The following FREM2 variants were observed in gnomAD, a reference collection of about 807,000 sequenced individuals.
FREM2 encodes FRAS1 related extracellular matrix 2, also known as FRAS1-related extracellular matrix protein 2.
FREM2 carries 119 observed loss-of-function variants against 219.9 expected under a neutral mutation model. That is an observed-to-expected ratio of 0.54 (90% CI 0.47 to 0.63). The LOEUF (loss-of-function observed/expected upper bound fraction) is 0.63, where lower values mean the gene tolerates loss of function less well. Among genes scored for constraint, FREM2 ranks in the 30% least tolerant of loss-of-function variants. FREM2 has a pLI of 0.00. For synonymous variants in FREM2, 1,562 were observed against 1,522.8 expected, an observed-to-expected ratio of 1.03 and a Z score of -0.60; for missense variants, 4,030 against 3,993.6, an observed-to-expected ratio of 1.01 and a Z score of -0.25.
At chr13:38,693,180 A>G (rs774967296) in intron 1 of FREM2, among the ~76,000 whole-genome samples, 1 of 152,244 alleles carries the variant, frequency 6.6e-6, no homozygotes, top group Non-Finnish European at 1.5e-5. Flanking sequence ...GCATGCTACT[A>G]GGATATACAT....
chr13:38,851,583 A>G (rs2137912065), intron 10 of FREM2, 103 bp from the exon 11 acceptor site: 4 of 903,582 alleles, frequency 4.4e-6, no homozygotes, highest in Non-Finnish European at 7.2e-6. Flanking sequence ...CCAGGAGTGT[A>G]ATAGTCATTT....
At chr13:38,720,250 TTAC>T (rs1871169657) in intron 2 of FREM2, among the ~76,000 whole-genome samples, 1 of 152,230 alleles carries the variant, frequency 6.6e-6, no homozygotes, top group African/African-American at 2.4e-5. Context: ...TTAATCGTAT[TTAC>T]TACTATCTTA....
chr13:38,796,876 T>TTTTTG (rs201692234), intron 6 of FREM2, among the ~76,000 whole-genome samples: 2 of 152,052 alleles, frequency 1.3e-5, no homozygotes, highest in East Asian at 3.8e-4. Context: ...TTTGTTTCTG[T>TTTTTG]TTTTGTTTTG....
intron 6 of FREM2, among the ~76,000 whole-genome samples, chr13:38,828,003 A>G (rs1229463912): frequency 6.6e-6 from 1 of 152,196 alleles, no homozygotes; most frequent in Non-Finnish European, 1.5e-5. Context: ...AGTACCAAGA[A>G]GGAGTCTTGT....
intron 3 of FREM2, among the ~76,000 whole-genome samples, chr13:38,767,141 T>A (rs1028366582): frequency 6.6e-6 from 1 of 152,170 alleles, no homozygotes; most frequent in Non-Finnish European, 1.5e-5. Flanking sequence ...TCATAAATCC[T>A]CCACTGAGAT....
intron 2 of FREM2, among the ~76,000 whole-genome samples, chr13:38,734,259 C>A (rs1871889802): frequency 1.3e-5 from 2 of 152,040 alleles, no homozygotes; most frequent in Admixed American, 6.5e-5. Flanking sequence ...TCCTCCCCCG[C>A]AAAAATCACA....
intron 3 of FREM2, among the ~76,000 whole-genome samples, chr13:38,769,339 T>C (rs1322438187): frequency 6.6e-6 from 1 of 152,144 alleles, no homozygotes; most frequent in Non-Finnish European, 1.5e-5. Context: ...CAAATGTAGC[T>C]TAAAGCATAT....
At chr13:38,774,354 G>T (rs535950715) in intron 4 of FREM2, among the ~76,000 whole-genome samples, 16 of 152,266 alleles carry the variant, frequency 1.1e-4, no homozygotes, top group African/African-American at 3.4e-4. Flanking sequence ...TCTATGCCAG[G>T]AATGCTGCTA....
chr13:38,808,012 G>A (rs190278498), intron 6 of FREM2, among the ~76,000 whole-genome samples: 168 of 152,026 alleles, frequency 1.1e-3, no homozygotes, highest in African/African-American at 3.9e-3. Context: ...ATGTTATTTA[G>A]TGTAGCCCTC....
chr13:38,802,820 A>G (rs1593416741), intron 6 of FREM2, among the ~76,000 whole-genome samples: 1 of 152,288 alleles, frequency 6.6e-6, no homozygotes, highest in Non-Finnish European at 1.5e-5. Context: ...CAAGCCCCAT[A>G]TAGGTCGAGG....
chr13:38,837,308 GT>G (rs1326970751), intron 6 of FREM2, among the ~76,000 whole-genome samples: 4 of 152,170 alleles, frequency 2.6e-5, no homozygotes. Context: ...CTGAGAGAGT[GT>G]TTGTATGATT....
At chr13:38,870,602 A>G (rs1200234775) in intron 16 of FREM2, among the ~76,000 whole-genome samples, 2 of 152,184 alleles carry the variant, frequency 1.3e-5, no homozygotes, top group African/African-American at 2.4e-5. Context: ...CTAGATGGTC[A>G]AGATAGTTTC....
chr13:38,715,922 C>T (rs1487587916), intron 2 of FREM2, among the ~76,000 whole-genome samples: 1 of 152,048 alleles, frequency 6.6e-6, no homozygotes, highest in African/African-American at 2.4e-5. Context: ...TGTCATAAAT[C>T]ATAAAGTGCT....
chr13:38,819,167 GA>G (rs1875904769), intron 6 of FREM2, among the ~76,000 whole-genome samples: 2 of 152,108 alleles, frequency 1.3e-5, no homozygotes, highest in African/African-American at 4.8e-5. Context: ...GTTATGGCCA[GA>G]ACCTCCAAAG....
At position 38,689,100 on chromosome 13, in the gene FREM2, G is replaced by A. The variant is rs755572876; in HGVS notation, c.1756G>A (p.Ala586Thr). The A allele has an allele frequency of 1.2e-5, 20 of 1,613,946 alleles. No homozygotes were observed. Among genetic ancestry groups the A allele is most frequent in the Non-Finnish European group, 1.7e-5 (20 of 1,180,028 alleles). Residue 586 changes from alanine (A) to threonine (T), a missense_variant, in exon 1 of 24, where the codon GCA becomes ACA. Transcript: ENST00000280481. Reference protein sequence around the residue: ...TVPILPLSLSATDMDSDDSLL... With the variant: ...TVPILPLSLSTTDMDSDDSLL... Reference sequence around the variant, plus strand: ...GCCCATCCTGCCCCTTTCCCTGAGTGCAACTGACATGGATTCAGATGATTC... The same window carrying A: ...GCCCATCCTGCCCCTTTCCCTGAGTACAACTGACATGGATTCAGATGATTC...
intron 2 of FREM2, among the ~76,000 whole-genome samples, chr13:38,750,460 A>AT (rs869248772): frequency 7.0e-5 from 2 of 28,460 alleles, no homozygotes; most frequent in Admixed American, 3.3e-4. Context: ...GCAAGAGTTC[A>AT]TTTTTTTTAT....
intron 6 of FREM2, among the ~76,000 whole-genome samples, chr13:38,789,934 A>G (rs1422916252): frequency 1.3e-5 from 2 of 151,952 alleles, no homozygotes; most frequent in South Asian, 2.1e-4. Context: ...ACTTCCTTGC[A>G]TATAATAATT....
At chr13:38,840,491 G>A (rs1876908458) in intron 6 of FREM2, among the ~76,000 whole-genome samples, 1 of 149,298 alleles carries the variant, frequency 6.7e-6, no homozygotes, top group South Asian at 2.1e-4. Context: ...GTGCAATATT[G>A]GCCCACTGCA....
chr13:38,709,866 G>A lies in FREM2; in HGVS notation c.5263+12079G>A, dbSNP rs116887262. ...ATTGCTCTTAACATCAGTGATGGCC[G>A]GGCGCGGTGGCTCATGCCTATAATC... On this transcript the variant is annotated intron_variant, in intron 2 of 23. Coordinates refer to ENST00000280481, the MANE Select transcript of FREM2 (RefSeq NM_207361.6). Among the ~76,000 whole-genome samples, 1,206 of 151,998 alleles carry A rather than the reference G, an allele frequency of 7.9e-3. 9 individuals are homozygous for A. Among genetic ancestry groups the A allele is most frequent in the Middle Eastern group, 0.014 (4 of 294 alleles).
Sources: allele counts gnomAD v4.1 joint callset (sites outside exome capture counted in the v4.1 genomes callset), GRCh38; gene constraint gnomAD v4.1.1; transcripts MANE v1.5; gene names NCBI Gene and HGNC (gene_info 2026-07-23, HGNC 2026-07-21).